PRDM11: variants seen among roughly 807,000 people sequenced by gnomAD.
PRDM11 encodes the protein PR domain-containing protein 11.
PRDM11 carries 20 observed loss-of-function variants against 97.8 expected under a neutral mutation model. The observed-to-expected ratio is 0.20, with a 90% CI of 0.14 to 0.30. The LOEUF (loss-of-function observed/expected upper bound fraction) is 0.30, where lower values mean the gene tolerates loss of function less well. Ranked by LOEUF, PRDM11 falls within the 10% of genes least tolerant of loss-of-function variation. PRDM11 has a pLI of 1.00. For missense variants in PRDM11, 1,139 were observed against 1,555.2 expected (o/e 0.73, Z 4.50); for synonymous variants, 599 against 637.7 (o/e 0.94, Z 0.91).
intron 1 of PRDM11, chr11:45,147,577 C>T (rs1302566103): frequency 3.3e-5 from 5 of 152,672 alleles, no homozygotes; most frequent in Admixed American, 2.6e-4. Context: ...CTCGCAGTCC[C>T]CAAGGTACTC....
intron 1 of PRDM11, among the ~76,000 whole-genome samples, chr11:45,151,096 G>A (rs60696638): frequency 0.023 from 3,563 of 152,230 alleles, 136 homozygotes; most frequent in African/African-American, 0.082. Flanking sequence ...ATGGGAGAGC[G>A]GGCCTCCAGT....
intron 5 of PRDM11, chr11:45,212,360 G>A (rs1286542055): frequency 2.9e-6 from 1 of 339,656 alleles, no homozygotes; most frequent in East Asian, 8.1e-5. Flanking sequence ...ACCGCAGGGT[G>A]GCAGGGCAGG....
At chr11:45,113,077 G>A (rs1852219467) in intron 1 of PRDM11, among the ~76,000 whole-genome samples, 1 of 152,056 alleles carries the variant, frequency 6.6e-6, no homozygotes, top group African/African-American at 2.4e-5. Flanking sequence ...GAGATGTTAT[G>A]GTTTCAGGTC....
intron 1 of PRDM11, among the ~76,000 whole-genome samples, chr11:45,139,903 G>C (rs1235305902): frequency 6.6e-6 from 1 of 152,166 alleles, no homozygotes; most frequent in African/African-American, 2.4e-5. Flanking sequence ...GGGAAAGAGA[G>C]AGAAACAATG....
rs530645264 is a variant in PRDM11 at position 45,219,947 on chromosome 11, G to A, written c.742+190G>A. On this transcript the variant is annotated intron_variant, in intron 6 of 7. Transcript: ENST00000683152. This position sits in a 1 kb window ranked among gnomAD's most constrained non-coding sequence, Gnocchi z 4.2. ...GCAGGGGCCACCCCAGCATGTTATC[G>A]ACCCCTAGAAATGGTCTCAGAAATC... Among the ~76,000 whole-genome samples the A allele has an allele frequency of 3.3e-5, 5 of 152,216 alleles. No individual in the cohort carries two copies. The highest frequency in any genetic ancestry group is 7.2e-5 in the African/African-American group (3 of 41,536).
rs532403075 is a variant in PRDM11, at chr11:45,099,450, TAAA to T, written c.96+3572_96+3574del. Among the ~76,000 whole-genome samples the T allele has an allele frequency of 5.3e-3, 504 of 95,204 alleles. 7 individuals are homozygous for T. Among genetic ancestry groups the T allele is most frequent in the African/African-American group, 0.018 (442 of 24,384 alleles). 62.5% of individuals were successfully genotyped at this position (95,204 alleles called of 152,430 possible). A position where few individuals can be genotyped will look rare whatever the true frequency, so the allele number is the denominator to read the frequency against. On this transcript the variant is annotated intron_variant, in intron 1 of 6. Coordinates refer to the PRDM11 transcript ENST00000530656. The stretch of plus-strand genomic sequence containing the variant: ...TGGGTAACAGAGTGAGACTCCATCT[TAAA>T]AAAAAAAAAAAAAAAAAAAAAATCA...
chr11:45,177,235 T>C (rs1306940789), intron 1 of PRDM11, among the ~76,000 whole-genome samples: 2 of 152,226 alleles, frequency 1.3e-5, no homozygotes, highest in Non-Finnish European at 2.9e-5. Flanking sequence ...TGCCCCCTTC[T>C]TTTGGGTTTG....
intron 1 of PRDM11, among the ~76,000 whole-genome samples, chr11:45,179,387 A>G (rs1272757027): frequency 6.6e-6 from 1 of 152,194 alleles, no homozygotes; most frequent in Non-Finnish European, 1.5e-5. Flanking sequence ...CTGTGATAGA[A>G]TCTATTATTA....
At chr11:45,165,476 CACAGCACTGTGGTCT>C (rs1590397527) in intron 1 of PRDM11, among the ~76,000 whole-genome samples, 1 of 152,370 alleles carries the variant, frequency 6.6e-6, no homozygotes, top group East Asian at 1.9e-4. Context: ...GTGGCATCTG[CACAGCACTGTGGTCT>C]CTGCCACGCA....
intron 4 of PRDM11, among the ~76,000 whole-genome samples, chr11:45,197,490 T>A (rs930067114): frequency 1.3e-5 from 2 of 152,096 alleles, no homozygotes; most frequent in Admixed American, 1.3e-4. Flanking sequence ...AGATCTTATG[T>A]TAAGTATTAT....
intron 4 of PRDM11, among the ~76,000 whole-genome samples, chr11:45,202,028 C>CA (rs1853348482): frequency 1.3e-5 from 2 of 152,308 alleles, no homozygotes; most frequent in South Asian, 4.1e-4. Context: ...AGGCTTGTCT[C>CA]AAACTCCTGG....
chr11:45,185,488 G>A (rs185290263), intron 4 of PRDM11, among the ~76,000 whole-genome samples: 1 of 152,312 alleles, frequency 6.6e-6, no homozygotes, highest in Admixed American at 6.5e-5. Flanking sequence ...ATAAGAGTGA[G>A]GTGGGAGGGT....
intron 1 of PRDM11, among the ~76,000 whole-genome samples, chr11:45,140,971 G>C (rs138518446): frequency 6.6e-6 from 1 of 152,254 alleles, no homozygotes; most frequent in African/African-American, 2.4e-5. Flanking sequence ...AAAATGGAGA[G>C]AGTTGCCCAG....
intron 5 of PRDM11, among the ~76,000 whole-genome samples, chr11:45,205,664 G>A (rs777293836): frequency 6.6e-6 from 1 of 152,182 alleles, no homozygotes; most frequent in Non-Finnish European, 1.5e-5. Context: ...GGCTGATGGT[G>A]GGATTGTACT....
chr11:45,109,405 G>A (rs11038299), intron 1 of PRDM11, among the ~76,000 whole-genome samples: 69,371 of 152,048 alleles, frequency 0.46, 17,786 homozygotes, highest in Non-Finnish European at 0.58. Context: ...CTTGGATGTC[G>A]CAGGGCTATG....
chr11:45,166,821 C>G (rs1056559250), intron 1 of PRDM11, among the ~76,000 whole-genome samples: 20 of 152,226 alleles, frequency 1.3e-4, no homozygotes, highest in Non-Finnish European at 4.4e-5. Flanking sequence ...AGTGTCACAG[C>G]TCCACAGTGC....
chr11:45,104,518 A>G (rs1201643893), intron 1 of PRDM11, among the ~76,000 whole-genome samples: 1 of 152,152 alleles, frequency 6.6e-6, no homozygotes, highest in Non-Finnish European at 1.5e-5. Context: ...TACTGACCTT[A>G]CAGGATGGGC....
At chr11:45,210,818 C>T (rs778502458) in intron 5 of PRDM11, among the ~76,000 whole-genome samples, 3 of 152,214 alleles carry the variant, frequency 2.0e-5, no homozygotes, top group Admixed American at 2.0e-4. Context: ...GAACCCGGGT[C>T]TGCTGGCTTC....
intron 1 of PRDM11, among the ~76,000 whole-genome samples, chr11:45,105,715 G>C (rs1396449286): frequency 6.6e-6 from 1 of 152,230 alleles, no homozygotes; most frequent in Non-Finnish European, 1.5e-5. Context: ...CAATTGCCAG[G>C]ACGTAGCCTC....
Sources: allele counts gnomAD v4.1 joint callset (sites outside exome capture counted in the v4.1 genomes callset), GRCh38; gene constraint gnomAD v4.1.1; non-coding constraint Gnocchi (gnomAD v3.1); transcripts MANE v1.5; gene names NCBI Gene and HGNC (gene_info 2026-07-23, HGNC 2026-07-21).